ELAPOR2: variants seen among roughly 807,000 people sequenced by gnomAD.
The protein encoded by ELAPOR2 is endosome-lysosome associated apoptosis and autophagy regulator family member 2.
In ELAPOR2, 89 loss-of-function variants were observed where a neutral mutation model predicts 120.7. The observed-to-expected ratio is 0.74, with a 90% CI of 0.62 to 0.88. ELAPOR2 has a LOEUF of 0.88. Among genes scored for constraint, ELAPOR2 ranks in the 40% least tolerant of loss-of-function variants. The pLI is 0.00. For missense variants in ELAPOR2, 1,134 were observed against 1,251.6 expected (o/e 0.91, Z 1.42); for synonymous variants, 444 against 444.9 (o/e 1.00, Z 0.03).
intron 1 of ELAPOR2, among the ~76,000 whole-genome samples, chr7:87,000,486 G>T (rs771324154): frequency 7.2e-5 from 11 of 152,142 alleles, no homozygotes; most frequent in Admixed American, 6.5e-5. Flanking sequence ...CAGACTCTGC[G>T]TCTGACTCAA....
chr7:86,981,745 G>A (rs1188827924), intron 1 of ELAPOR2, among the ~76,000 whole-genome samples: 5 of 152,200 alleles, frequency 3.3e-5, no homozygotes, highest in Non-Finnish European at 7.3e-5. Context: ...CGTGATTGAC[G>A]CAGAAGACGG....
chr7:87,018,640 C>G (rs963938203), intron 1 of ELAPOR2, among the ~76,000 whole-genome samples: 13 of 152,244 alleles, frequency 8.5e-5, no homozygotes, highest in African/African-American at 2.2e-4. Flanking sequence ...AAGTTCAATG[C>G]AAGTTATAAA....
At chr7:86,943,297 C>G (rs1449468763) in intron 4 of ELAPOR2, among the ~76,000 whole-genome samples, 3 of 91,664 alleles carry the variant, frequency 3.3e-5, no homozygotes, top group African/African-American at 7.8e-5. Context: ...GCTTCATCAT[C>G]ATTTAAAAAA....
intron 10 of ELAPOR2, among the ~76,000 whole-genome samples, chr7:86,923,217 A>C (rs1789905207): frequency 6.6e-6 from 1 of 151,962 alleles, no homozygotes; most frequent in Non-Finnish European, 1.5e-5. Flanking sequence ...AAGAAATAAG[A>C]TCTAGTGTTC....
intron 1 of ELAPOR2, among the ~76,000 whole-genome samples, chr7:87,036,298 ACCC>A (rs763818484): frequency 6.6e-4 from 101 of 152,222 alleles, no homozygotes; most frequent in South Asian, 5.4e-3. Context: ...ACAGGGTGAA[ACCC>A]TGTCTATACA....
At chr7:87,054,231 T>C (rs1795198405) in intron 1 of ELAPOR2, among the ~76,000 whole-genome samples, 2 of 152,234 alleles carry the variant, frequency 1.3e-5, no homozygotes, top group Non-Finnish European at 2.9e-5. Flanking sequence ...AGAATTATTA[T>C]AAGATGCAAG....
intron 1 of ELAPOR2, among the ~76,000 whole-genome samples, chr7:86,976,781 G>C (rs1792296514): frequency 6.6e-6 from 1 of 152,128 alleles, no homozygotes. Context: ...AAATCACTTG[G>C]ATATACAAAG....
intron 8 of ELAPOR2, among the ~76,000 whole-genome samples, chr7:86,931,293 CT>C (rs1339105287): frequency 1.3e-5 from 2 of 151,850 alleles, no homozygotes; most frequent in Non-Finnish European, 2.9e-5. Context: ...GAAATGATAG[CT>C]GCTTGTGGTA....
intron 1 of ELAPOR2, among the ~76,000 whole-genome samples, chr7:87,044,986 A>C (rs1479426294): frequency 6.8e-6 from 1 of 146,916 alleles, no homozygotes; most frequent in Non-Finnish European, 1.5e-5. Context: ...ACATTTATGC[A>C]GCCAAAAAAC....
chr7:87,048,521 A>G (rs935962961), intron 1 of ELAPOR2, among the ~76,000 whole-genome samples: 3 of 152,218 alleles, frequency 2.0e-5, no homozygotes, highest in African/African-American at 7.2e-5. Context: ...TGGATAATTA[A>G]TTGGTACAAA....
intron 21 of ELAPOR2, among the ~76,000 whole-genome samples, chr7:86,886,704 C>A (rs1240655348): frequency 2.0e-5 from 3 of 152,176 alleles, no homozygotes; most frequent in Admixed American, 6.5e-5. Flanking sequence ...TTCAAGAATG[C>A]AGTTGGTCTT....
In ELAPOR2 at chr7:87,011,553, G is replaced by A. The variant is rs567498120; in HGVS notation, c.190-46529C>T. Among the ~76,000 whole-genome samples the A allele has an allele frequency of 2.2e-4, 34 of 152,134 alleles. 1 individual carries two copies. The highest frequency in any genetic ancestry group is 3.1e-4 in the African/African-American group (13 of 41,508). Reference sequence around the variant, plus strand: ...TACAAATACTCAGTACAATTTTTCCGTTTCAGTGAGTTCACAAAATTGCCA... The same window carrying A: ...TACAAATACTCAGTACAATTTTTCCATTTCAGTGAGTTCACAAAATTGCCA... On this transcript the variant is annotated intron_variant, in intron 1 of 21. Transcript: ENST00000450689.
intron 19 of ELAPOR2, among the ~76,000 whole-genome samples, chr7:86,896,757 T>G (rs182666467): frequency 6.6e-6 from 1 of 152,208 alleles, no homozygotes; most frequent in Admixed American, 6.5e-5. Flanking sequence ...ACACTATTGG[T>G]GAAAGTGAAA....
chr7:87,006,188 T>C (rs1793463801), intron 1 of ELAPOR2, among the ~76,000 whole-genome samples: 1 of 152,116 alleles, frequency 6.6e-6, no homozygotes, highest in South Asian at 2.1e-4. Flanking sequence ...AGCACAGGAC[T>C]TCAACAGAAA....
rs1789090801 is a variant in ELAPOR2 at position 86,907,730 on chromosome 7, G to A, written c.2498C>T (p.Thr833Ile). Residue 833 changes from threonine to isoleucine, a missense_variant, in exon 18 of 22, where the codon ACT becomes ATT. Thr to Ile is a moderately conservative substitution (Grantham distance 89). This residue lies in a region of ELAPOR2 where 831 missense variants were observed against 867.6 expected (regional missense o/e 0.96). Transcript: ENST00000450689. ...ATTSCINGRS[T>I]AVKMRCNPTK... ...AGGATTACACCTCATTTTCACAGCAGTTGATCGGCCATTAATACAAGATGT... is the reference window on the plus strand; with the variant it reads ...AGGATTACACCTCATTTTCACAGCAATTGATCGGCCATTAATACAAGATGT... 1 of 1,577,012 alleles carries A rather than the reference G, an allele frequency of 6.3e-7. No homozygotes were observed. The highest frequency in any genetic ancestry group is 8.6e-7 in the Non-Finnish European group (1 of 1,168,382).
intron 1 of ELAPOR2, chr7:86,965,802 T>A: frequency 1.0e-6 from 1 of 985,204 alleles, no homozygotes; most frequent in Non-Finnish European, 1.2e-6. Context: ...TGTTTTCAGT[T>A]CAATACCTTA....
rs573911437 is a variant in ELAPOR2 at position 87,004,331 on chromosome 7, G to C, written c.190-39307C>G. Among the ~76,000 whole-genome samples the C allele has an allele frequency of 1.1e-4, 16 of 152,262 alleles. No homozygotes were observed. The South Asian group carries it at 3.3e-3, about 32-fold the overall frequency. On this transcript the variant is annotated intron_variant, in intron 1 of 21. Coordinates refer to ENST00000450689, the MANE Select transcript of ELAPOR2 (RefSeq NM_001142749.3). ...ATTCAAACACCAGAGCAGAGAACAGGGTTGGCCTCTGTGCCCCAGTATGAA... is the reference window on the plus strand; with the variant it reads ...ATTCAAACACCAGAGCAGAGAACAGCGTTGGCCTCTGTGCCCCAGTATGAA...
intron 11 of ELAPOR2, 124 bp from the exon 12 acceptor site, chr7:86,918,668 C>T: frequency 1.6e-6 from 1 of 636,246 alleles, no homozygotes; most frequent in Non-Finnish European, 2.8e-6. Context: ...CTACCACTTC[C>T]CTCACCCACA....
At chr7:86,914,672 G>A in intron 13 of ELAPOR2, 51 bp downstream of exon 13, 2 of 1,505,096 alleles carry the variant, frequency 1.3e-6, no homozygotes, top group South Asian at 1.3e-5. Context: ...TCTCCACAAG[G>A]GGGCATCATT....
Sources: allele counts gnomAD v4.1 joint callset (sites outside exome capture counted in the v4.1 genomes callset), GRCh38; gene constraint gnomAD v4.1.1; regional missense constraint gnomAD v4.1.1; transcripts MANE v1.5; gene names NCBI Gene and HGNC (gene_info 2026-07-23, HGNC 2026-07-21).